PRKCQ: variants seen among roughly 807,000 people sequenced by gnomAD.
The protein encoded by PRKCQ is protein kinase C theta, also known as protein kinase C theta type.
In PRKCQ, 41 loss-of-function variants were observed where a neutral mutation model predicts 91.2. The ratio of observed to expected loss-of-function variants is 0.45; its 90% confidence interval spans 0.35 to 0.58. The LOEUF is 0.58. Among genes scored for constraint, PRKCQ ranks in the 20% least tolerant of loss-of-function variants. The probability of loss-of-function intolerance (pLI) is 0.00; values close to 1 mark genes in which losing one functional copy is unlikely to be tolerated. For missense variants in PRKCQ, 673 were observed against 896.5 expected (o/e 0.75, Z 3.18); for synonymous variants, 307 against 316.9 (o/e 0.97, Z 0.33).
chr10:6,576,996 A>C lies in PRKCQ; in HGVS notation c.-10+3215T>G, dbSNP rs1222394222. ...TTCTGAGTATGATATACAGCACATA[A>C]ATTCTAAATAATAAAGACTCAAAAC... On this transcript the variant is annotated intron_variant, in intron 1 of 17. Coordinates refer to ENST00000263125, the MANE Select transcript of PRKCQ (RefSeq NM_006257.5). The surrounding 1 kb of genome is among the most constrained non-coding windows in gnomAD (Gnocchi z 4.2). Among the ~76,000 whole-genome samples the C allele has an allele frequency of 1.3e-5, 2 of 152,160 alleles. No individual in the cohort carries two copies. The highest frequency in any genetic ancestry group is 1.3e-4 in the Admixed American group (2 of 15,286).
At chr10:6,545,710 C>T (rs11259486) in intron 1 of PRKCQ, among the ~76,000 whole-genome samples, 139,311 of 152,234 alleles carry the variant, frequency 0.92, 64,251 homozygotes, top group East Asian at 1. Flanking sequence ...GTCCCTGAAC[C>T]GTACACTTCA....
In PRKCQ at chr10:6,497,380, G is replaced by T; in HGVS notation, c.543-129C>A. 9.3e-7 allele frequency: 1 copy of T among 1,074,898 alleles called. No homozygotes were observed. The highest frequency in any genetic ancestry group is 1.4e-6 in the Non-Finnish European group (1 of 706,486). 66.6% of individuals were successfully genotyped at this position (1,074,898 alleles called of 1,614,324 possible). ...GCAGTTTCTGATCAGCAGCCCTGTT[G>T]TATCATTTGCCAAGAGTATTAACAG... On this transcript the variant is annotated intron_variant, in intron 5 of 17. Coordinates refer to ENST00000263125, the MANE Select transcript of PRKCQ (RefSeq NM_006257.5). The surrounding 1 kb of genome is among the most constrained non-coding windows in gnomAD (Gnocchi z 4.5).
chr10:6,551,911 G>A (rs1368676240), intron 1 of PRKCQ, among the ~76,000 whole-genome samples: 3 of 152,146 alleles, frequency 2.0e-5, no homozygotes, highest in African/African-American at 7.2e-5. Context: ...TTTCCACAAT[G>A]GTTGAACTGG....
chr10:6,442,146 G>T, intron 15 of PRKCQ, 65 bp from the exon 16 acceptor site: 1 of 1,500,530 alleles, frequency 6.7e-7, no homozygotes, highest in South Asian at 1.2e-5. Flanking sequence ...AACTCTTCCT[G>T]AGCGTCTCAA....
chr10:6,498,644 G>T, intron 4 of PRKCQ, 86 bp from the exon 5 acceptor site: 4 of 1,370,930 alleles, frequency 2.9e-6, no homozygotes, highest in Non-Finnish European at 3.0e-6. Context: ...AGGGAGATGG[G>T]CAAGGGATGG....
chr10:6,482,951 C>T (rs772859367), intron 11 of PRKCQ, among the ~76,000 whole-genome samples: 13 of 152,234 alleles, frequency 8.5e-5, no homozygotes, highest in Non-Finnish European at 1.5e-4. Flanking sequence ...GGGATTATTA[C>T]AATTCAACGT....
intron 12 of PRKCQ, among the ~76,000 whole-genome samples, chr10:6,469,526 T>C (rs1198360262): frequency 6.6e-6 from 1 of 152,202 alleles, no homozygotes; most frequent in East Asian, 1.9e-4. Flanking sequence ...GCGGAACCCC[T>C]CTTGCTTGGG....
chr10:6,435,115 G>C (rs1588649975), intron 16 of PRKCQ, among the ~76,000 whole-genome samples: 1 of 152,092 alleles, frequency 6.6e-6, no homozygotes, highest in East Asian at 1.9e-4. Context: ...GGGGAGTAAA[G>C]GGTGTTTCTT....
the PRKCQ span, among the ~76,000 whole-genome samples, chr10:6,418,923 C>A: frequency 6.6e-6 from 1 of 152,006 alleles, no homozygotes. Context: ...TCTGTCCATT[C>A]ATTTATCTCA....
intron 1 of PRKCQ, among the ~76,000 whole-genome samples, chr10:6,578,943 A>G (rs79146072): frequency 0.03 from 4,553 of 152,260 alleles, 243 homozygotes; most frequent in African/African-American, 0.1. Flanking sequence ...GGGCTTGTCT[A>G]TCACACAGCC....
chr10:6,496,993 G>C (rs1837652987), intron 7 of PRKCQ, 42 bp downstream of exon 7: 1 of 1,556,536 alleles, frequency 6.4e-7, no homozygotes, highest in Non-Finnish European at 8.8e-7. Context: ...TTAACGTTCT[G>C]ATAAAAATCA....
intron 7 of PRKCQ, among the ~76,000 whole-genome samples, chr10:6,492,325 C>T (rs1309122459): frequency 6.6e-6 from 1 of 151,980 alleles, no homozygotes; most frequent in African/African-American, 2.4e-5. Context: ...AGCATTTTCA[C>T]ACCTATTATT....
At chr10:6,410,578 T>C in the PRKCQ span, among the ~76,000 whole-genome samples, 3 of 152,014 alleles carry the variant, frequency 2.0e-5, no homozygotes, top group Non-Finnish European at 4.4e-5. Flanking sequence ...GGCATCTGGG[T>C]TTTCAAAATA....
intron 12 of PRKCQ, among the ~76,000 whole-genome samples, chr10:6,464,828 C>T (rs1013188314): frequency 1.3e-5 from 2 of 152,186 alleles, no homozygotes; most frequent in Non-Finnish European, 2.9e-5. Context: ...TTCAGGGGAA[C>T]TAATTCTGTT....
intron 1 of PRKCQ, among the ~76,000 whole-genome samples, chr10:6,559,569 G>A (rs1400414680): frequency 6.6e-6 from 1 of 152,160 alleles, no homozygotes; most frequent in Non-Finnish European, 1.5e-5. Flanking sequence ...AAGTTGGCCA[G>A]GATGGTCTCG....
Position 6,463,129 on chromosome 10 carries a change from G to C in PRKCQ, c.1446-764C>G, listed in dbSNP as rs528519083. ...GAATAGAACTAGCTGGTTTATTTTC[G>C]TACTGAGAACCTTTAGCCTGGGCAA... On this transcript the variant is annotated intron_variant, in intron 13 of 17. Coordinates refer to ENST00000263125, the MANE Select transcript of PRKCQ (RefSeq NM_006257.5). Among the ~76,000 whole-genome samples, 37 of 152,146 alleles carry C rather than the reference G, an allele frequency of 2.4e-4. 2 individuals are homozygous for C. In the South Asian group the frequency reaches 5.8e-3, roughly 24 times the overall value.
the PRKCQ span, among the ~76,000 whole-genome samples, chr10:6,416,411 T>A: frequency 6.6e-6 from 1 of 152,188 alleles, no homozygotes; most frequent in Non-Finnish European, 1.5e-5. Context: ...TTCATTCTTA[T>A]GCCTTTGCAT....
rs999106272 is a variant in PRKCQ at position 6,576,762 on chromosome 10, G to A, written c.-10+3449C>T. Reference sequence around the variant, plus strand: ...TAACTGGTAGGTCACCTGGGACTGCGGTTTAAAGCAAATGCTTGATGGTTA... The same window carrying A: ...TAACTGGTAGGTCACCTGGGACTGCAGTTTAAAGCAAATGCTTGATGGTTA... On this transcript the variant is annotated intron_variant, in intron 1 of 17. Coordinates refer to ENST00000263125, the MANE Select transcript of PRKCQ (RefSeq NM_006257.5). The surrounding 1 kb of genome is among the most constrained non-coding windows in gnomAD (Gnocchi z 4.2). Among the ~76,000 whole-genome samples the A allele has an allele frequency of 4.6e-5, 7 of 152,160 alleles. No individual in the cohort carries two copies. The highest frequency in any genetic ancestry group is 2.1e-4 in the South Asian group (1 of 4,822).
chr10:6,481,363 T>C lies in PRKCQ; in HGVS notation c.1179+2077A>G, dbSNP rs896912944. Among the ~76,000 whole-genome samples, 83 of 152,360 alleles carry C rather than the reference T, an allele frequency of 5.4e-4. 1 individual carries two copies. The highest frequency in any genetic ancestry group is 1.9e-3 in the African/African-American group (77 of 41,596). On this transcript the variant is annotated intron_variant, in intron 11 of 17. Coordinates refer to ENST00000263125, the MANE Select transcript of PRKCQ (RefSeq NM_006257.5). Reference sequence around the variant, plus strand: ...AAACACCCTAAAACCAGCCATAAACTAAGAAGCCAAAAAGACAATTTCCAT... The same window carrying C: ...AAACACCCTAAAACCAGCCATAAACCAAGAAGCCAAAAAGACAATTTCCAT...
Sources: gnomAD v4.1 joint callset for allele counts (sites outside exome capture counted in the v4.1 genomes callset) on GRCh38, gnomAD v4.1.1 for gene constraint, Gnocchi (gnomAD v3.1) non-coding constraint, MANE v1.5 for transcripts, NCBI Gene and HGNC (gene_info 2026-07-23, HGNC 2026-07-21) for gene names.